The following CDH2 variants were observed in gnomAD, a reference collection of about 807,000 sequenced individuals.
CDH2 encodes cadherin-2.
A neutral mutation model predicts 92.0 loss-of-function variants in CDH2; 17 were observed. The observed-to-expected ratio is 0.18, with a 90% CI of 0.13 to 0.28. CDH2 has a LOEUF of 0.28. CDH2 is among the 10% of genes least tolerant of loss of function. The pLI is 1.00. For synonymous variants in CDH2, 419 were observed against 415.9 expected (o/e 1.01, Z -0.09); for missense variants, 862 against 1,133.1 (o/e 0.76, Z 3.44).
At chr18:27,984,973 A>G in intron 13 of CDH2, 27 bp downstream of exon 13, 1 of 1,555,050 alleles carries the variant, frequency 6.4e-7, no homozygotes, top group Non-Finnish European at 8.9e-7. Flanking sequence ...AGAGAACTGA[A>G]ATCTAAAAGA....
chr18:28,120,148 C>A (rs1264741996), intron 2 of CDH2, among the ~76,000 whole-genome samples: 2 of 152,020 alleles, frequency 1.3e-5, no homozygotes, highest in African/African-American at 2.4e-5. Context: ...TGAACAAAAA[C>A]CACTATGTCT....
At chr18:28,012,489 C>A (rs2013128826) in intron 3 of CDH2, among the ~76,000 whole-genome samples, 1 of 152,138 alleles carries the variant, frequency 6.6e-6, no homozygotes, top group Non-Finnish European at 1.5e-5. Flanking sequence ...TTATTCTAAA[C>A]CTATGTCAGC....
At chr18:28,113,064 T>C (rs2015438391) in intron 2 of CDH2, among the ~76,000 whole-genome samples, 1 of 152,184 alleles carries the variant, frequency 6.6e-6, no homozygotes, top group East Asian at 1.9e-4. Context: ...ATACAACTGA[T>C]ATTTATCAGA....
intron 4 of CDH2, among the ~76,000 whole-genome samples, chr18:28,011,135 G>A (rs1376608352): frequency 6.6e-6 from 1 of 151,960 alleles, no homozygotes; most frequent in African/African-American, 2.4e-5. Context: ...GTGTTAGAAT[G>A]CTAAAATAAT....
chr18:28,076,501 A>G (rs563244339), intron 2 of CDH2, among the ~76,000 whole-genome samples: 1 of 152,268 alleles, frequency 6.6e-6, no homozygotes, highest in African/African-American at 2.4e-5. Context: ...GCATATGATA[A>G]TTGCTCAATA....
intron 14 of CDH2, among the ~76,000 whole-genome samples, chr18:27,966,439 C>T (rs1257131104): frequency 1.3e-5 from 2 of 152,208 alleles, no homozygotes; most frequent in South Asian, 2.1e-4. Flanking sequence ...ATGCTACTCC[C>T]TATCTGGGAA....
intron 15 of CDH2, among the ~76,000 whole-genome samples, chr18:27,957,781 T>A (rs555272747): frequency 1.3e-5 from 2 of 152,338 alleles, no homozygotes; most frequent in Admixed American, 6.5e-5. Flanking sequence ...TTAAGACATA[T>A]GTGGATATAA....
chr18:28,125,002 G>A (rs1029131417), intron 2 of CDH2, among the ~76,000 whole-genome samples: 3 of 152,184 alleles, frequency 2.0e-5, no homozygotes, highest in Non-Finnish European at 2.9e-5. Flanking sequence ...CACTTTATCA[G>A]AGAAGACTAC....
chr18:27,946,506 T>A (rs1909270995), downstream of CDH2, among the ~76,000 whole-genome samples: 1 of 152,006 alleles, frequency 6.6e-6, no homozygotes, highest in Admixed American at 6.6e-5. Flanking sequence ...AAGTGCAATA[T>A]CAGAATTATA....
chr18:28,107,918 C>T (rs2015349431), intron 2 of CDH2, among the ~76,000 whole-genome samples: 1 of 152,150 alleles, frequency 6.6e-6, no homozygotes. Context: ...CATTAAAAAA[C>T]ATTCACAGTT....
At chr18:27,964,696 T>C (rs2011494010) in intron 14 of CDH2, among the ~76,000 whole-genome samples, 1 of 152,212 alleles carries the variant, frequency 6.6e-6, no homozygotes, top group African/African-American at 2.4e-5. Flanking sequence ...ATCCTCTTAG[T>C]ACATGTGATA....
chr18:28,130,091 A>T (rs1250776421), intron 2 of CDH2, among the ~76,000 whole-genome samples: 1 of 152,210 alleles, frequency 6.6e-6, no homozygotes, highest in African/African-American at 2.4e-5. Context: ...ATGATTGTAG[A>T]GCATAAAGAA....
At chr18:27,950,420 C>CTGCAACCAT (rs1909389162), downstream of CDH2, among the ~76,000 whole-genome samples, 1 of 152,086 alleles carries the variant, frequency 6.6e-6, no homozygotes. Flanking sequence ...TTGTTGCCCT[C>CTGCAACCAT]TGCAACCATT....
intron 1 of CDH2, among the ~76,000 whole-genome samples, chr18:28,170,547 G>A (rs773610597): frequency 4.6e-5 from 7 of 151,998 alleles, no homozygotes; most frequent in Non-Finnish European, 8.8e-5. Context: ...GGGTTTCACC[G>A]TGTTAGGCAG....
At chr18:28,139,364 G>A (rs1213174898) in intron 2 of CDH2, among the ~76,000 whole-genome samples, 1 of 151,776 alleles carries the variant, frequency 6.6e-6, no homozygotes, top group African/African-American at 2.4e-5. Context: ...AAAAACAAAT[G>A]GCCTCAGTTG....
intron 2 of CDH2, chr18:28,036,341 A>G (rs2013826878): frequency 1.5e-6 from 1 of 652,536 alleles, no homozygotes; most frequent in African/African-American, 1.8e-5. Flanking sequence ...AGAAATTCAC[A>G]TAAGCATTAA....
intron 1 of CDH2, among the ~76,000 whole-genome samples, chr18:28,163,153 C>A (rs909348336): frequency 1.3e-5 from 2 of 152,126 alleles, no homozygotes; most frequent in African/African-American, 4.8e-5. Context: ...CATCAGAAAC[C>A]AGATTTCAAA....
intron 14 of CDH2, among the ~76,000 whole-genome samples, chr18:27,974,696 T>G (rs2011767807): frequency 6.6e-6 from 1 of 152,090 alleles, no homozygotes; most frequent in African/African-American, 2.4e-5. Flanking sequence ...GATTAGGTCA[T>G]GAGGGTGGAC....
intron 2 of CDH2, among the ~76,000 whole-genome samples, chr18:28,107,649 T>C (rs535977186): frequency 5.9e-5 from 9 of 152,228 alleles, no homozygotes; most frequent in Non-Finnish European, 1.0e-4. Flanking sequence ...TCTTCTCAAC[T>C]GTATAAAGAA....
Sources: allele counts gnomAD v4.1 joint callset (sites outside exome capture counted in the v4.1 genomes callset), GRCh38; gene constraint gnomAD v4.1.1; transcripts MANE v1.5; gene names NCBI Gene and HGNC (gene_info 2026-07-23, HGNC 2026-07-21).